Variants in KLHL5 observed in about 807,000 individuals in gnomAD.
KLHL5 encodes the protein kelch-like protein 5.
Under a neutral mutation model 77.7 loss-of-function variants are expected in KLHL5, and 48 were observed. That is an observed-to-expected ratio of 0.62 (90% confidence interval 0.49 to 0.79). The LOEUF (loss-of-function observed/expected upper bound fraction) is 0.79, where lower values mean the gene tolerates loss of function less well. KLHL5 is among the 30% of genes least tolerant of loss of function. KLHL5 has a pLI of 0.00. For synonymous variants in KLHL5, 260 were observed against 297.0 expected (o/e 0.88, Z 1.28); for missense variants, 723 against 859.7 (o/e 0.84, Z 1.99).
intron 1 of KLHL5, among the ~76,000 whole-genome samples, chr4:39,047,649 TGAA>T (rs1052861669): frequency 7.2e-5 from 11 of 152,376 alleles, no homozygotes; most frequent in African/African-American, 2.4e-4. Context: ...AGTTGCCTGT[TGAA>T]GGACCTCTAG....
At chr4:39,114,327 A>T (rs767407911) in intron 9 of KLHL5, among the ~76,000 whole-genome samples, 1 of 152,230 alleles carries the variant, frequency 6.6e-6, no homozygotes, top group Non-Finnish European at 1.5e-5. Context: ...ACTTCACTTT[A>T]TAACAGTCTG....
Position 39,124,801 on chromosome 4 carries a change from G to GCAAAAA in KLHL5, c.*3736_*3741dup, listed in dbSNP as rs1723424429. ...GGCACCAAAAGCACAAGCAACAACAGCAAAAAAAAAAAAAAAAAAAAAAAA... is the reference window on the plus strand; with the variant it reads ...GGCACCAAAAGCACAAGCAACAACAGCAAAAACAAAAAAAAAAAAAAAAAAAAAAAA... On this transcript the variant is annotated 3_prime_UTR_variant, in exon 11 of 11. Coordinates refer to ENST00000504108, the MANE Select transcript of KLHL5 (RefSeq NM_015990.5). Among the ~76,000 whole-genome samples the GCAAAAA allele has an allele frequency of 5.8e-5, 1 of 17,194 alleles. No individual in the cohort carries two copies. The highest frequency in any genetic ancestry group is 1.5e-4 in the Non-Finnish European group (1 of 6,602). 11.3% of individuals were successfully genotyped at this position (17,194 alleles called of 152,430 possible).
In KLHL5 at chr4:39,076,154, G is replaced by T. The variant is rs999449786; in HGVS notation, c.566+7G>T. 1 of 1,595,946 alleles carries T rather than the reference G, an allele frequency of 6.3e-7. No individual in the cohort carries two copies. Among genetic ancestry groups the T allele is most frequent in the African/African-American group, 1.4e-5 (1 of 73,346 alleles). ...GCAGAATTCCAGCTCACAGGTAGTT[G>T]TTTTCTATATTTCTGTATGTGTGAA... On this transcript the variant is annotated splice_region_variant and intron_variant, in intron 2 of 10. Transcript: ENST00000504108.
At chr4:39,061,919 A>G (rs1450277314), upstream of KLHL5, among the ~76,000 whole-genome samples, 1 of 152,160 alleles carries the variant, frequency 6.6e-6, no homozygotes, top group Non-Finnish European at 1.5e-5. Flanking sequence ...TTACTGTATT[A>G]ATTAGATCCA....
Position 39,069,430 on chromosome 4 carries a change from TTATATATATATATATATATA to T in KLHL5, c.383+6420_383+6439del, listed in dbSNP as rs60740721. On this transcript the variant is annotated intron_variant, in intron 1 of 10. Coordinates refer to ENST00000504108, the MANE Select transcript of KLHL5 (RefSeq NM_015990.5). ...AAGTGAATTTTTCCCTATTAACATT[TTATATATATATATATATATA>T]TATATATATATATATATATATATAC... is the stretch of plus-strand genomic sequence containing the variant. Among the ~76,000 whole-genome samples the T allele has an allele frequency of 8.0e-3, 245 of 30,438 alleles. 1 individual carries two copies. Among genetic ancestry groups the T allele is most frequent in the African/African-American group, 0.022 (186 of 8,312 alleles). 20.0% of individuals were successfully genotyped at this position (30,438 alleles called of 152,430 possible). A position where few individuals can be genotyped will look rare whatever the true frequency, so the allele number is the denominator to read the frequency against.
intron 1 of KLHL5, among the ~76,000 whole-genome samples, chr4:39,071,965 C>T (rs1472764862): frequency 1.3e-5 from 2 of 151,960 alleles, no homozygotes; most frequent in Admixed American, 6.6e-5. Context: ...GATGTATTTC[C>T]TCTGTTGTTA....
intron 5 of KLHL5, among the ~76,000 whole-genome samples, chr4:39,096,020 C>T (rs1721034176): frequency 6.6e-6 from 1 of 151,824 alleles, no homozygotes; most frequent in Non-Finnish European, 1.5e-5. Flanking sequence ...GAACCAAGCA[C>T]AAAAGGAAAA....
chr4:39,075,086 C>G (rs554590091), intron 1 of KLHL5, among the ~76,000 whole-genome samples: 1 of 152,188 alleles, frequency 6.6e-6, no homozygotes, highest in African/African-American at 2.4e-5. Flanking sequence ...AACCCTAGCA[C>G]TTTGGGAGGC....
At chr4:39,132,531 C>A in the KLHL5 span, among the ~76,000 whole-genome samples, 1 of 151,946 alleles carries the variant, frequency 6.6e-6, no homozygotes, top group Non-Finnish European at 1.5e-5. Context: ...CTCACTTGAG[C>A]CCAGGAGCAG....
At chr4:39,071,357 C>T (rs1421212416) in intron 1 of KLHL5, among the ~76,000 whole-genome samples, 2 of 152,066 alleles carry the variant, frequency 1.3e-5, no homozygotes, top group Non-Finnish European at 2.9e-5. Context: ...GCTTTTTTTC[C>T]TACTCATAGA....
At chr4:39,094,348 A>G (rs954773760) in intron 5 of KLHL5, among the ~76,000 whole-genome samples, 2 of 151,750 alleles carry the variant, frequency 1.3e-5, no homozygotes, top group East Asian at 1.9e-4. Context: ...ATATGTAGAA[A>G]CCTATAGAAT....
At chr4:39,056,392 C>T (rs1229201594) in intron 1 of KLHL5, among the ~76,000 whole-genome samples, 2 of 152,222 alleles carry the variant, frequency 1.3e-5, no homozygotes, top group African/African-American at 4.8e-5. Context: ...TGAGCCACTG[C>T]ACCCGGCCTG....
At chr4:39,092,071 A>G (rs1577701349) in intron 5 of KLHL5, among the ~76,000 whole-genome samples, 4 of 152,244 alleles carry the variant, frequency 2.6e-5, no homozygotes, top group South Asian at 2.1e-4. Context: ...AGCAATAGTC[A>G]TAAGGTGAAC....
chr4:39,102,257 T>A (rs1173665777), intron 6 of KLHL5, among the ~76,000 whole-genome samples: 1 of 151,600 alleles, frequency 6.6e-6, no homozygotes, highest in Non-Finnish European at 1.5e-5. Flanking sequence ...GAGAAGTGGG[T>A]TCTAGTTGAA....
chr4:39,103,658 G>A (rs1187287092), intron 7 of KLHL5, 147 bp downstream of exon 7: 10 of 661,344 alleles, frequency 1.5e-5, no homozygotes, highest in Non-Finnish European at 2.3e-5. Context: ...AAAGAATTTG[G>A]TAGGTCATCA....
intron 10 of KLHL5, among the ~76,000 whole-genome samples, chr4:39,119,732 T>A (rs1723082975): frequency 6.6e-6 from 1 of 152,220 alleles, no homozygotes; most frequent in Non-Finnish European, 1.5e-5. Flanking sequence ...CAAGAGGTGA[T>A]TGCATTGTAT....
chr4:39,095,931 T>A (rs1305037469), intron 5 of KLHL5, among the ~76,000 whole-genome samples: 1 of 151,844 alleles, frequency 6.6e-6, no homozygotes, highest in Non-Finnish European at 1.5e-5. Flanking sequence ...TTTGCATAAA[T>A]ATGAAGAAAA....
intron 9 of KLHL5, 43 bp downstream of exon 9, chr4:39,113,275 A>T: frequency 1.4e-6 from 2 of 1,463,002 alleles, no homozygotes; most frequent in Non-Finnish European, 9.5e-7. Context: ...AAAGATATAT[A>T]TAAGTCTCTG....
chr4:39,129,591 G>C (rs570506350), downstream of KLHL5, among the ~76,000 whole-genome samples: 2 of 152,246 alleles, frequency 1.3e-5, no homozygotes, highest in Admixed American at 1.3e-4. The surrounding 1 kb of genome is among the most constrained non-coding windows in gnomAD (Gnocchi z 4.2). Flanking sequence ...TTGGGGTACG[G>C]ATGATCCTGT....
Sources: allele counts gnomAD v4.1 joint callset (sites outside exome capture counted in the v4.1 genomes callset), GRCh38; gene constraint gnomAD v4.1.1; non-coding constraint Gnocchi (gnomAD v3.1); transcripts MANE v1.5; gene names NCBI Gene and HGNC (gene_info 2026-07-23, HGNC 2026-07-21).